The following CNTNAP2 variants were observed in gnomAD, a reference collection of about 807,000 sequenced individuals.
The protein encoded by CNTNAP2 is contactin associated protein 2.
CNTNAP2 carries 98 observed loss-of-function variants against 155.2 expected under a neutral mutation model. The observed-to-expected ratio is 0.63, with a 90% confidence interval of 0.54 to 0.75. The LOEUF (loss-of-function observed/expected upper bound fraction) is 0.75, where lower values mean the gene tolerates loss of function less well. Ranked by LOEUF, CNTNAP2 falls within the 30% of genes least tolerant of loss-of-function variation. The pLI, the probability that CNTNAP2 is intolerant of heterozygous loss-of-function variation, is 0.00. For synonymous variants in CNTNAP2, 651 were observed against 631.2 expected, an observed-to-expected ratio of 1.03 and a Z score of -0.47; for missense variants, 1,727 against 1,688.1, an observed-to-expected ratio of 1.02 and a Z score of -0.40.
chr7:147,606,065 G>A (rs755236620), intron 12 of CNTNAP2, among the ~76,000 whole-genome samples: 9 of 152,000 alleles, frequency 5.9e-5, no homozygotes, highest in Admixed American at 1.3e-4. Context: ...CCTGTTCACC[G>A]TTCACTAAGC....
intron 8 of CNTNAP2, among the ~76,000 whole-genome samples, chr7:147,269,255 T>C (rs138545574): frequency 5.9e-5 from 9 of 152,312 alleles, no homozygotes; most frequent in African/African-American, 2.2e-4. Flanking sequence ...TCTTTTTATG[T>C]ATCTAGGGTA....
intron 12 of CNTNAP2, among the ~76,000 whole-genome samples, chr7:147,570,417 C>T (rs1390960876): frequency 1.3e-5 from 2 of 152,160 alleles, no homozygotes; most frequent in Non-Finnish European, 2.9e-5. Flanking sequence ...ATTATAAAAT[C>T]TTAGGCTTTA....
intron 13 of CNTNAP2, among the ~76,000 whole-genome samples, chr7:147,893,628 G>A (rs1799728404): frequency 6.6e-6 from 1 of 152,128 alleles, no homozygotes; most frequent in African/African-American, 2.4e-5. Flanking sequence ...GATCTATATT[G>A]TTTACAAGAT....
intron 21 of CNTNAP2, among the ~76,000 whole-genome samples, chr7:148,283,495 T>C (rs1485864001): frequency 6.6e-6 from 1 of 152,204 alleles, no homozygotes; most frequent in Non-Finnish European, 1.5e-5. Flanking sequence ...TTCTTGGTGC[T>C]TTTGTGGTTA....
intron 12 of CNTNAP2, among the ~76,000 whole-genome samples, chr7:147,568,985 C>A (rs894956633): frequency 1.3e-5 from 2 of 152,112 alleles, no homozygotes; most frequent in African/African-American, 4.8e-5. Flanking sequence ...TTTAAGCAAG[C>A]ATCTGTGCTC....
intron 3 of CNTNAP2, among the ~76,000 whole-genome samples, chr7:147,030,287 C>T (rs148191173): frequency 1.2e-3 from 182 of 152,224 alleles, no homozygotes; most frequent in Admixed American, 4.2e-3. Context: ...CTTTATGTAG[C>T]ATAGTTTCTT....
At chr7:147,220,332 T>G (rs2116592120) in intron 8 of CNTNAP2, among the ~76,000 whole-genome samples, 1 of 151,872 alleles carries the variant, frequency 6.6e-6, no homozygotes, top group South Asian at 2.1e-4. Context: ...GGTACTTCTT[T>G]CTCCATCCGT....
chr7:147,951,280 A>G lies in CNTNAP2; in HGVS notation c.2256-26582A>G, dbSNP rs1800926200. Among the ~76,000 whole-genome samples, 4 of 152,334 alleles carry G rather than the reference A, an allele frequency of 2.6e-5. No individual in the cohort carries two copies. In the South Asian group the frequency reaches 8.3e-4, roughly 32 times the overall value. On this transcript the variant is annotated intron_variant, in intron 14 of 23. Transcript: ENST00000361727. ...GAATGTGAGGACACGTAAGAACAACAGTAAGAAAAAGTACAGAAAGAAAAA... is the reference window on the plus strand; with the variant it reads ...GAATGTGAGGACACGTAAGAACAACGGTAAGAAAAAGTACAGAAAGAAAAA...
chr7:147,212,652 G>T lies in CNTNAP2; in HGVS notation c.1348+80143G>T, dbSNP rs775991546. Reference sequence around the variant, plus strand: ...ATTCAGTATTATGCCCACAACCCAGGTGATGGGATCAGTTGTATCCCAAAC... The same window carrying T: ...ATTCAGTATTATGCCCACAACCCAGTTGATGGGATCAGTTGTATCCCAAAC... On this transcript the variant is annotated intron_variant, in intron 8 of 23. Transcript: ENST00000361727. 4.3e-4 allele frequency among the ~76,000 whole-genome samples: 66 copies of T among 152,192 alleles called. 1 individual carries two copies. Among genetic ancestry groups the T allele is most frequent in the African/African-American group, 1.2e-3 (48 of 41,550 alleles).
At chr7:147,080,442 A>G (rs1563068910) in intron 4 of CNTNAP2, among the ~76,000 whole-genome samples, 2 of 152,012 alleles carry the variant, frequency 1.3e-5, no homozygotes, top group African/African-American at 4.8e-5. Flanking sequence ...AAGTGAAGAG[A>G]CTTAATAATT....
intron 3 of CNTNAP2, among the ~76,000 whole-genome samples, chr7:146,974,059 T>C (rs903781272): frequency 6.6e-6 from 1 of 152,202 alleles, no homozygotes; most frequent in African/African-American, 2.4e-5. Flanking sequence ...TTTTACCGGA[T>C]GCTGGGGTGT....
At chr7:146,849,312 A>C (rs770378607) in intron 3 of CNTNAP2, among the ~76,000 whole-genome samples, 3 of 152,166 alleles carry the variant, frequency 2.0e-5, no homozygotes, top group Non-Finnish European at 4.4e-5. Context: ...GTAGATGAAT[A>C]AGCTGAGGCT....
chr7:148,326,096 T>A (rs958037128), intron 21 of CNTNAP2, among the ~76,000 whole-genome samples: 2 of 151,826 alleles, frequency 1.3e-5, no homozygotes, highest in Admixed American at 6.6e-5. Context: ...GACACCCAAG[T>A]GCACCCAAGA....
At chr7:147,376,260 G>A (rs1796432132) in intron 9 of CNTNAP2, among the ~76,000 whole-genome samples, 1 of 151,920 alleles carries the variant, frequency 6.6e-6, no homozygotes, top group Non-Finnish European at 1.5e-5. Context: ...GAGAGTTTAT[G>A]GCAGATAGTC....
At chr7:148,090,048 C>A (rs922782901) in intron 15 of CNTNAP2, among the ~76,000 whole-genome samples, 2 of 151,768 alleles carry the variant, frequency 1.3e-5, no homozygotes, top group African/African-American at 2.4e-5. Context: ...GAATGTATAT[C>A]CATACATAGA....
intron 22 of CNTNAP2, among the ~76,000 whole-genome samples, chr7:148,391,107 A>G (rs1008914428): frequency 2.0e-5 from 3 of 152,202 alleles, no homozygotes; most frequent in South Asian, 4.1e-4. Context: ...CACCTCTCCC[A>G]TGATTGTATT....
chr7:147,442,994 C>T (rs757323234), intron 10 of CNTNAP2, among the ~76,000 whole-genome samples: 36 of 152,116 alleles, frequency 2.4e-4, no homozygotes, highest in Non-Finnish European at 3.8e-4. Flanking sequence ...GGTGCAAGCA[C>T]TCCTTTAGCC....
At chr7:148,387,915 T>C (rs1339542669) in intron 22 of CNTNAP2, among the ~76,000 whole-genome samples, 4 of 151,928 alleles carry the variant, frequency 2.6e-5, no homozygotes, top group East Asian at 1.9e-4. Flanking sequence ...AAAACCAAGA[T>C]GGCAATGAGA....
At chr7:147,296,112 T>C (rs1331156401) in intron 8 of CNTNAP2, among the ~76,000 whole-genome samples, 1 of 152,200 alleles carries the variant, frequency 6.6e-6, no homozygotes, top group African/African-American at 2.4e-5. Flanking sequence ...GAAGATATTT[T>C]ATAAGGGTCT....
Sources: gnomAD v4.1 joint callset for allele counts (sites outside exome capture counted in the v4.1 genomes callset) on GRCh38, gnomAD v4.1.1 for gene constraint, MANE v1.5 for transcripts, NCBI Gene and HGNC (gene_info 2026-07-23, HGNC 2026-07-21) for gene names.